HNRNPK: variants seen among roughly 807,000 people sequenced by gnomAD.
HNRNPK encodes the protein heterogeneous nuclear ribonucleoprotein K, also known as dC-stretch binding protein.
A neutral mutation model predicts 67.0 loss-of-function variants in HNRNPK; 7 were observed. The observed-to-expected ratio is 0.10, with a 90% CI of 0.06 to 0.20. HNRNPK has a LOEUF of 0.20. Among genes scored for constraint, HNRNPK ranks in the 10% least tolerant of loss-of-function variants. The probability of loss-of-function intolerance (pLI) is 1.00; values close to 1 mark genes in which losing one functional copy is unlikely to be tolerated. For synonymous variants in HNRNPK, 213 were observed against 193.7 expected, an observed-to-expected ratio of 1.10 and a Z score of -0.83; for missense variants, 264 against 606.5, an observed-to-expected ratio of 0.44 and a Z score of 5.93.
At chr9:83,979,741 C>G (rs1369696540) in intron 1 of HNRNPK, among the ~76,000 whole-genome samples, 1 of 152,024 alleles carries the variant, frequency 6.6e-6, no homozygotes, top group African/African-American at 2.4e-5. Context: ...CCCCCACTGC[C>G]CGAGACAAAG....
At chr9:83,974,931 TA>T (rs1325088677) in intron 6 of HNRNPK, among the ~76,000 whole-genome samples, 10 of 152,230 alleles carry the variant, frequency 6.6e-5, no homozygotes, top group Non-Finnish European at 1.5e-5. Flanking sequence ...GTTACATTGG[TA>T]AAACTGGCAC....
intron 3 of HNRNPK, among the ~76,000 whole-genome samples, chr9:83,977,989 C>T (rs1957147548): frequency 6.6e-6 from 1 of 152,114 alleles, no homozygotes; most frequent in Admixed American, 6.5e-5. Flanking sequence ...GATTTGAAAT[C>T]CCAAAATGCA....
At chr9:83,973,428 T>G (rs1476859471) in intron 8 of HNRNPK, 29 bp from the exon 9 acceptor site, 1 of 1,321,814 alleles carries the variant, frequency 7.6e-7, no homozygotes, top group East Asian at 2.3e-5. Flanking sequence ...AAAATTTTAG[T>G]CTCAAATCAA....
In HNRNPK at chr9:83,968,954, A is replaced by G. The variant is rs949564710; in HGVS notation, c.*453T>C. The G allele has an allele frequency of 5.7e-6, 1 of 175,954 alleles. No individual in the cohort carries two copies. Among genetic ancestry groups the G allele is most frequent in the African/African-American group, 2.4e-5 (1 of 42,546 alleles). The allele number at this position is 175,954 out of a possible 1,614,324, so 10.9% of individuals were successfully genotyped here. ...TAAAAATCATAAAACGTTTCTTACAAAAGAGCATTACATTCTGCACACTGC... is the reference window on the plus strand; with the variant it reads ...TAAAAATCATAAAACGTTTCTTACAGAAGAGCATTACATTCTGCACACTGC... On this transcript the variant is annotated 3_prime_UTR_variant, in exon 17 of 17. Coordinates refer to ENST00000376263, the MANE Select transcript of HNRNPK (RefSeq NM_031263.4).
intron 13 of HNRNPK, 70 bp from the exon 14 acceptor site, chr9:83,970,982 T>A: frequency 6.8e-7 from 1 of 1,475,076 alleles, no homozygotes. Context: ...TTAAAAAAAT[T>A]CATTTAATAA....
At chr9:83,970,492 G>T in intron 15 of HNRNPK, 161 bp from the exon 16 acceptor site, 2 of 664,916 alleles carry the variant, frequency 3.0e-6, no homozygotes, top group Non-Finnish European at 5.1e-6. Context: ...ATGTATTTAT[G>T]TCACACTTAC....
chr9:83,971,184 T>C, intron 13 of HNRNPK, 89 bp downstream of exon 13: 1 of 934,072 alleles, frequency 1.1e-6, no homozygotes, highest in South Asian at 1.3e-5. Flanking sequence ...TTTCAGTAAG[T>C]ATCCTCAGGG....
chr9:83,974,768 C>G (rs1957001674), intron 6 of HNRNPK, 179 bp from the exon 7 acceptor site: 1 of 581,378 alleles, frequency 1.7e-6, no homozygotes, highest in African/African-American at 1.9e-5. Flanking sequence ...ATACCCAATA[C>G]AGACATGATA....
chr9:83,973,926 T>C lies in HNRNPK; in HGVS notation c.378A>G (p.Glu126=). The change falls in exon 8 of 17, where the codon GAA becomes GAG. Residue 126 remains glutamate (E), a synonymous_variant. Coordinates refer to ENST00000376263, the MANE Select transcript of HNRNPK (RefSeq NM_031263.4). ...SPTATSQLPL[E]SDAVECLNYQ... Reference sequence around the variant, plus strand: ...CATTTAAGCATTCCACAGCATCAGATTCGAGCGGGAGCTGGCTGGTTGCAG... The same window carrying C: ...CATTTAAGCATTCCACAGCATCAGACTCGAGCGGGAGCTGGCTGGTTGCAG... 6.2e-7 allele frequency: 1 copy of C among 1,613,968 alleles called. No individual in the cohort carries two copies. The highest frequency in any genetic ancestry group is 1.7e-5 in the Admixed American group (1 of 60,008).
chr9:83,973,234 T>C (rs1956935399), intron 9 of HNRNPK, 52 bp downstream of exon 9: 5 of 1,028,336 alleles, frequency 4.9e-6, no homozygotes, highest in Non-Finnish European at 6.1e-6. Flanking sequence ...AACAAGTCTA[T>C]ATGAAAATTT....
At chr9:83,974,635 G>A (rs979039690) in intron 6 of HNRNPK, 46 bp from the exon 7 acceptor site, 2 of 1,355,434 alleles carry the variant, frequency 1.5e-6, no homozygotes, top group Admixed American at 3.6e-5. Flanking sequence ...AGGTGGAAAA[G>A]AAAAATGAGT....
intron 7 of HNRNPK, 144 bp from the exon 8 acceptor site, chr9:83,974,117 T>A (rs539174371): frequency 3.6e-6 from 2 of 551,662 alleles, no homozygotes; most frequent in African/African-American, 3.8e-5. Context: ...TTAAGACGAT[T>A]CAAAACATAA....
chr9:83,977,851 T>A, intron 3 of HNRNPK, 65 bp from the exon 4 acceptor site: 1 of 992,168 alleles, frequency 1.0e-6, no homozygotes, highest in Non-Finnish European at 1.6e-6. Flanking sequence ...CCATTCTGTT[T>A]CAAGAGACTT....
At chr9:83,979,872 G>A (rs1042212453) in intron 1 of HNRNPK, among the ~76,000 whole-genome samples, 10 of 152,116 alleles carry the variant, frequency 6.6e-5, no homozygotes, top group Non-Finnish European at 1.3e-4. Flanking sequence ...TCCCCGCACC[G>A]GCCTCCTTTC....
At chr9:83,970,593 A>ACAT (rs1588411533) in intron 15 of HNRNPK, 144 bp downstream of exon 15, 1 of 686,382 alleles carries the variant, frequency 1.5e-6, no homozygotes, top group East Asian at 2.7e-5. Flanking sequence ...AAACAGCTGA[A>ACAT]AACCCAGCTC....
At chr9:83,971,092 C>T in intron 13 of HNRNPK, 180 bp from the exon 14 acceptor site, 1 of 726,366 alleles carries the variant, frequency 1.4e-6, no homozygotes. Flanking sequence ...TGAGTGAGCA[C>T]CACTGCACCC....
At position 83,969,269 on chromosome 9, in the gene HNRNPK, T is replaced by A; in HGVS notation, c.*138A>T. 1 of 738,266 alleles carries A rather than the reference T, an allele frequency of 1.4e-6. No homozygotes were observed. Among genetic ancestry groups the A allele is most frequent in the South Asian group, 1.5e-5 (1 of 66,474 alleles). The allele number at this position is 738,266 out of a possible 1,614,324, so 45.7% of individuals were successfully genotyped here. Reference sequence around the variant, plus strand: ...CTACACCTCAAATGCAGAACACCTATGAAGCAGAGGAATGTTGGCTTTTTA... The same window carrying A: ...CTACACCTCAAATGCAGAACACCTAAGAAGCAGAGGAATGTTGGCTTTTTA... On this transcript the variant is annotated 3_prime_UTR_variant, in exon 17 of 17. Coordinates refer to ENST00000376263, the MANE Select transcript of HNRNPK (RefSeq NM_031263.4).
chr9:83,977,679 A>G lies in HNRNPK; in HGVS notation c.156+10T>C, dbSNP rs763059949. The stretch of plus-strand genomic sequence containing the variant: ...AACCACCTTCAAATTTTCAAGAATA[A>G]AATTTATACCTTGCTCTGAAGCAGA... On this transcript the variant is annotated intron_variant, in intron 4 of 16. Coordinates refer to ENST00000376263, the MANE Select transcript of HNRNPK (RefSeq NM_031263.4). 5.8e-6 allele frequency: 9 copies of G among 1,548,584 alleles called. No individual in the cohort carries two copies. In the Admixed American group the frequency reaches 1.4e-4, roughly 24 times the overall value.
intron 9 of HNRNPK, 78 bp from the exon 10 acceptor site, chr9:83,973,050 G>T: frequency 9.6e-7 from 1 of 1,043,516 alleles, no homozygotes; most frequent in South Asian, 1.6e-5. Context: ...AATTGCATTT[G>T]AATTCAACAA....
Sources: allele counts gnomAD v4.1 joint callset (sites outside exome capture counted in the v4.1 genomes callset), GRCh38; gene constraint gnomAD v4.1.1; transcripts MANE v1.5; gene names NCBI Gene and HGNC (gene_info 2026-07-23, HGNC 2026-07-21).